The following A2ML1 variants were observed in gnomAD, a reference collection of about 807,000 sequenced individuals.
A2ML1 encodes the protein alpha-2-macroglobulin-like protein 1.
A neutral mutation model predicts 181.9 loss-of-function variants in A2ML1; 161 were observed. The observed-to-expected ratio is 0.89, with a 90% CI of 0.78 to 1.01. The LOEUF (loss-of-function observed/expected upper bound fraction) is 1.01. Ranked by LOEUF, A2ML1 falls within the 50% of genes least tolerant of loss-of-function variation. A2ML1 has a pLI of 0.00. For synonymous variants in A2ML1, 663 were observed against 666.8 expected (o/e 0.99, Z 0.09); for missense variants, 1,670 against 1,768.1 (o/e 0.94, Z 1.00).
chr12:8,868,050 A>G lies in A2ML1; in HGVS notation c.3926A>G (p.Tyr1309Cys), dbSNP rs755582489. Reference protein sequence around the residue: ...TLEASGQGCVYVQTVLRYNIL... With the variant: ...TLEASGQGCVCVQTVLRYNIL... Reference sequence around the variant, plus strand: ...GAGGCCTCAGGCCAGGGCTGTGTCTATGTGCAGGTAAGTAGAGATCCATGA... The same window carrying G: ...GAGGCCTCAGGCCAGGGCTGTGTCTGTGTGCAGGTAAGTAGAGATCCATGA... Residue 1309 changes from tyrosine (Y) to cysteine (C), a missense_variant, in exon 30 of 36, where the codon TAT becomes TGT. Transcript: ENST00000299698. 3 of 1,613,920 alleles carry G rather than the reference A, an allele frequency of 1.9e-6. No homozygotes were observed. Among genetic ancestry groups the G allele is most frequent in the African/African-American group, 2.7e-5 (2 of 74,946 alleles).
At chr12:8,866,523 G>C (rs895778962) in intron 29 of A2ML1, among the ~76,000 whole-genome samples, 1 of 152,016 alleles carries the variant, frequency 6.6e-6, no homozygotes, top group Admixed American at 6.6e-5. Context: ...CTCAGTGACA[G>C]GTATATGTCA....
chr12:8,838,914 TAAAAAAAAAAA>T (rs11314317), intron 9 of A2ML1, among the ~76,000 whole-genome samples, 188 bp from the exon 10 acceptor site: 3 of 110,704 alleles, frequency 2.7e-5, no homozygotes, highest in African/African-American at 1.0e-4. Context: ...GACTCCATCT[TAAAAAAAAAAA>T]AAAAAAAAAA....
Position 8,837,466 on chromosome 12 carries a change from G to A in A2ML1, c.755G>A (p.Gly252Glu), listed in dbSNP as rs1943320436. Residue 252 changes from glycine (G) to glutamate (E), a missense_variant, in exon 8 of 36, where the codon GGG becomes GAG. By Grantham distance (98) the Gly-to-Glu change is moderately conservative. Transcript: ENST00000299698. The stretch of plus-strand genomic sequence containing the variant: ...TACACCTATGGAAAGCCCATGCTAG[G>A]GGCAGTGCAGGTATCTGTGTGTCAG... ...CRYTYGKPMLGAVQVSVCQKA... is the reference protein window; with the variant it reads ...CRYTYGKPMLEAVQVSVCQKA... 1.9e-6 allele frequency: 3 copies of A among 1,614,016 alleles called. No homozygotes were observed. Among genetic ancestry groups the A allele is most frequent in the Non-Finnish European group, 8.5e-7 (1 of 1,179,946 alleles).
At chr12:8,880,778 T>C (rs747889510), downstream of A2ML1, among the ~76,000 whole-genome samples, 1 of 152,200 alleles carries the variant, frequency 6.6e-6, no homozygotes, top group South Asian at 2.1e-4. Flanking sequence ...AGAACACATG[T>C]TCATTAATTA....
chr12:8,875,071 GC>G, intron 35 of A2ML1, 59 bp downstream of exon 35: 6 of 1,551,262 alleles, frequency 3.9e-6, no homozygotes, highest in Non-Finnish European at 5.3e-6. Context: ...GTTAAGAGGA[GC>G]CTCTTTTCGA....
chr12:8,845,881 A>AAATAAAATAAAATAT (rs1943666588), intron 13 of A2ML1, among the ~76,000 whole-genome samples, 196 bp from the exon 14 acceptor site: 1 of 106,148 alleles, frequency 9.4e-6, no homozygotes, highest in Non-Finnish European at 2.1e-5. Context: ...AAATAAAATA[A>AAATAAAATAAAATAT]AATAAAATAA....
chr12:8,834,331 C>G (rs1466242052), intron 4 of A2ML1, among the ~76,000 whole-genome samples: 2 of 152,186 alleles, frequency 1.3e-5, no homozygotes, highest in Non-Finnish European at 2.9e-5. Context: ...GGTGCTAATA[C>G]TTCTTTTAGG....
In A2ML1 at chr12:8,868,529, G is replaced by C. The variant is rs773509061; in HGVS notation, c.4062-8G>C. ...GGCTCACATGTGTTTTCTTCTTCCTGCTCTCAGTTATGTGGGGAGCCGTAG... is the reference window on the plus strand; with the variant it reads ...GGCTCACATGTGTTTTCTTCTTCCTCCTCTCAGTTATGTGGGGAGCCGTAG... On this transcript the variant is annotated splice_polypyrimidine_tract_variant and splice_region_variant and intron_variant, in intron 31 of 35. Coordinates refer to ENST00000299698, the MANE Select transcript of A2ML1 (RefSeq NM_144670.6). 1.5e-5 allele frequency: 24 copies of C among 1,613,162 alleles called. No homozygotes were observed. The highest frequency in any genetic ancestry group is 1.7e-5 in the Non-Finnish European group (20 of 1,179,786).
intron 4 of A2ML1, among the ~76,000 whole-genome samples, chr12:8,833,526 AG>A (rs1943183891): frequency 6.6e-6 from 1 of 152,040 alleles, no homozygotes; most frequent in African/African-American, 2.4e-5. Flanking sequence ...CCTCCGGAGT[AG>A]CTGGGGTTAC....
chr12:8,845,133 A>G (rs1348507764), intron 12 of A2ML1: 2 of 1,479,942 alleles, frequency 1.4e-6, no homozygotes, highest in Non-Finnish European at 8.9e-7. Flanking sequence ...ATAAGAAAAT[A>G]AAATTTGGAG....
intron 1 of A2ML1, 37 bp from the exon 2 acceptor site, chr12:8,823,145 T>A: frequency 6.3e-7 from 1 of 1,595,522 alleles, no homozygotes; most frequent in South Asian, 1.1e-5. Flanking sequence ...AGTGAATGAA[T>A]CATTATTGCC....
In A2ML1 at chr12:8,846,202, G is replaced by T; in HGVS notation, c.1663G>T (p.Glu555Ter). 1 of 1,614,150 alleles carries T rather than the reference G, an allele frequency of 6.2e-7. No homozygotes were observed. ...VVADKIQFSV[E>*]MCFDNQVSLG... The stretch of plus-strand genomic sequence containing the variant: ...AGCTGACAAAATTCAGTTCTCAGTC[G>T]AGATGTGCTTTGACAATCAGGTAAA... The change falls in exon 14 of 36, where the codon GAG becomes TAG. Residue 555 changes from glutamate to a stop codon, truncating the protein, a stop_gained. Coordinates refer to ENST00000299698, the MANE Select transcript of A2ML1 (RefSeq NM_144670.6). LOFTEE classifies it high-confidence loss of function.
chr12:8,835,459 G>C (rs781559753), intron 5 of A2ML1, 48 bp from the exon 6 acceptor site: 1 of 1,609,222 alleles, frequency 6.2e-7, no homozygotes, highest in South Asian at 1.1e-5. Flanking sequence ...GCAATGCAGA[G>C]TGGGAAGCAA....
Position 8,850,272 on chromosome 12 carries a change from T to C in A2ML1, c.2232T>C (p.Ile744=), listed in dbSNP as rs961372102. ...PETWLWDLFP[I]GNSGKEAVHV... is the part of the protein sequence containing the mutation. Reference sequence around the variant, plus strand: ...CCTGGCTCTGGGATCTGTTTCCTATTGGGTAAGTGATGACTCAAAAGTACA... The same window carrying C: ...CCTGGCTCTGGGATCTGTTTCCTATCGGGTAAGTGATGACTCAAAAGTACA... The change falls in exon 18 of 36, where the codon ATT becomes ATC. Residue 744 remains isoleucine, a splice_region_variant and synonymous_variant. Coordinates refer to ENST00000299698, the MANE Select transcript of A2ML1 (RefSeq NM_144670.6). 4.4e-6 allele frequency: 7 copies of C among 1,608,982 alleles called. No homozygotes were observed. In the Admixed American group the frequency reaches 8.5e-5, roughly 20 times the overall value.
At chr12:8,857,056 A>T in intron 23 of A2ML1, 108 bp from the exon 24 acceptor site, 1 of 1,126,006 alleles carries the variant, frequency 8.9e-7, no homozygotes. Flanking sequence ...CATAGTAGGT[A>T]CTTATTAAAT....
intron 1 of A2ML1, 64 bp from the exon 2 acceptor site, chr12:8,823,118 G>T: frequency 6.6e-7 from 1 of 1,509,376 alleles, no homozygotes. Context: ...GCGCTTAGGA[G>T]AGTGCTGGAT....
intron 16 of A2ML1, 63 bp from the exon 17 acceptor site, chr12:8,849,606 G>A (rs1943817706): frequency 2.3e-6 from 3 of 1,290,334 alleles, no homozygotes; most frequent in Non-Finnish European, 3.4e-6. Flanking sequence ...GGAATTCCTG[G>A]GCAGTAGCCC....
At position 8,876,583 on chromosome 12, in the gene A2ML1, G is replaced by A. The variant is rs1412285926; in HGVS notation, c.*527G>A. 1 of 152,260 alleles carries A rather than the reference G, an allele frequency of 6.6e-6. No individual in the cohort carries two copies. The highest frequency in any genetic ancestry group is 1.5e-5 in the Non-Finnish European group (1 of 68,126). 9.4% of individuals were successfully genotyped at this position (152,260 alleles called of 1,614,324 possible). On this transcript the variant is annotated 3_prime_UTR_variant, in exon 36 of 36. Coordinates refer to ENST00000299698, the MANE Select transcript of A2ML1 (RefSeq NM_144670.6). ...AGCCCCTTGGAAGGCCAAGGCAGGA[G>A]AATCGCCTCAACACTGGAGGTGGAG...
At chr12:8,867,334 T>C (rs1227967441) in intron 29 of A2ML1, among the ~76,000 whole-genome samples, 2 of 152,226 alleles carry the variant, frequency 1.3e-5, no homozygotes, top group East Asian at 3.8e-4. Context: ...TAGTACCTTG[T>C]TGATGGTGAT....
Sources: allele counts gnomAD v4.1 joint callset (sites outside exome capture counted in the v4.1 genomes callset), GRCh38; gene constraint gnomAD v4.1.1; transcripts MANE v1.5; gene names NCBI Gene and HGNC (gene_info 2026-07-23, HGNC 2026-07-21).